MYOF: variants seen among roughly 807,000 people sequenced by gnomAD.
MYOF encodes myoferlin, also known as fer-1-like 3, myoferlin.
In MYOF, 244 loss-of-function variants were observed where a neutral mutation model predicts 284.2. The observed-to-expected ratio is 0.86, with a 90% CI of 0.77 to 0.95. MYOF has a LOEUF of 0.95. MYOF is among the 40% of genes least tolerant of loss of function. The pLI, the probability that MYOF is intolerant of heterozygous loss-of-function variation, is 0.00. For synonymous variants in MYOF, 904 were observed against 919.7 expected (o/e 0.98, Z 0.31); for missense variants, 2,496 against 2,560.6 (o/e 0.97, Z 0.54).
chr10:93,337,781 G>A lies in MYOF; in HGVS notation c.4437+34C>T, dbSNP rs374373099. On this transcript the variant is annotated intron_variant, in intron 40 of 53. Coordinates refer to ENST00000359263, the MANE Select transcript of MYOF (RefSeq NM_013451.4). ...CCTGTGGCCAGTTTCAAAGGATGTTGATTCTCCACCCATAGCAGCATAGAT... is the reference window on the plus strand; with the variant it reads ...CCTGTGGCCAGTTTCAAAGGATGTTAATTCTCCACCCATAGCAGCATAGAT... The A allele has an allele frequency of 1.3e-4, 202 of 1,570,390 alleles. 1 individual carries two copies. The African/African-American group carries it at 2.2e-3, about 17-fold the overall frequency.
chr10:93,385,174 A>G (rs552030653), intron 19 of MYOF, among the ~76,000 whole-genome samples: 15 of 152,322 alleles, frequency 9.8e-5, no homozygotes, highest in African/African-American at 2.9e-4. Context: ...CAGACTCTTG[A>G]TCCTGGAGAC....
At chr10:93,453,722 G>A (rs1402990725) in intron 2 of MYOF, among the ~76,000 whole-genome samples, 1 of 151,986 alleles carries the variant, frequency 6.6e-6, no homozygotes, top group African/African-American at 2.4e-5. Flanking sequence ...CTGTCTCTGT[G>A]AAAAATTTAA....
intron 11 of MYOF, 82 bp from the exon 12 acceptor site, chr10:93,401,626 C>A: frequency 6.5e-7 from 1 of 1,533,876 alleles, no homozygotes; most frequent in Non-Finnish European, 8.9e-7. Context: ...TAAAATGAAA[C>A]CATTCAGAAT....
chr10:93,476,929 A>G (rs2057276279), intron 1 of MYOF, among the ~76,000 whole-genome samples: 1 of 152,152 alleles, frequency 6.6e-6, no homozygotes, highest in Non-Finnish European at 1.5e-5. Flanking sequence ...TTTACACAAG[A>G]CCAGAAGGGA....
intron 40 of MYOF, 106 bp downstream of exon 40, chr10:93,337,709 T>G: frequency 1.2e-6 from 1 of 861,058 alleles, no homozygotes; most frequent in South Asian, 1.8e-5. Flanking sequence ...TGGGCCCTGC[T>G]CATTAGCACC....
chr10:93,481,695 G>C (rs1275799170), intron 1 of MYOF, among the ~76,000 whole-genome samples: 4 of 152,182 alleles, frequency 2.6e-5, no homozygotes, highest in African/African-American at 9.7e-5. Context: ...CGTCAGGCTG[G>C]TTCAAGGAGT....
intron 7 of MYOF, among the ~76,000 whole-genome samples, chr10:93,405,587 C>T (rs1448505345): frequency 1.3e-5 from 2 of 152,136 alleles, no homozygotes; most frequent in Non-Finnish European, 1.5e-5. Context: ...AGCCACCATG[C>T]CCGTTGTTTT....
rs985906122 is a variant in MYOF, at chr10:93,444,266, G to A, written c.236+7784C>T. 2.6e-5 allele frequency among the ~76,000 whole-genome samples: 4 copies of A among 152,170 alleles called. 1 individual carries two copies. Among genetic ancestry groups the A allele is most frequent in the Non-Finnish European group, 5.9e-5 (4 of 68,024 alleles). ...TTGTTCACTCATTCATCCAACAAAC[G>A]TTTATTTAGAGCCTACTATATGCCA... On this transcript the variant is annotated intron_variant, in intron 3 of 53. Coordinates refer to ENST00000359263, the MANE Select transcript of MYOF (RefSeq NM_013451.4).
chr10:93,392,358 G>A (rs1846738573), intron 17 of MYOF, among the ~76,000 whole-genome samples: 1 of 152,094 alleles, frequency 6.6e-6, no homozygotes, highest in Admixed American at 6.6e-5. Context: ...ATCTATTAGG[G>A]GAACAAAAAC....
intron 1 of MYOF, among the ~76,000 whole-genome samples, chr10:93,461,886 A>C (rs1160205383): frequency 3.3e-5 from 5 of 152,226 alleles, no homozygotes; most frequent in Non-Finnish European, 7.3e-5. Flanking sequence ...CAATTCTCCC[A>C]ATGCATGTTC....
intron 34 of MYOF, 47 bp downstream of exon 34, chr10:93,351,366 A>AT: frequency 6.2e-7 from 1 of 1,610,446 alleles, no homozygotes; most frequent in Non-Finnish European, 8.5e-7. Flanking sequence ...ATTAACATGC[A>AT]TTTTAAGCAG....
chr10:93,408,524 C>T (rs533462838), intron 7 of MYOF, among the ~76,000 whole-genome samples: 25 of 149,290 alleles, frequency 1.7e-4, no homozygotes, highest in African/African-American at 5.7e-4. Context: ...GCAACAAGAG[C>T]GAAATTCCAT....
At chr10:93,426,244 CAA>C in intron 4 of MYOF, 86 bp from the exon 5 acceptor site, 3 of 1,370,858 alleles carry the variant, frequency 2.2e-6, no homozygotes, top group Non-Finnish European at 3.0e-6. Context: ...CAGCAGGAGC[CAA>C]AGTCTTGGAA....
intron 24 of MYOF, among the ~76,000 whole-genome samples, chr10:93,370,364 T>G (rs1454342503): frequency 7.0e-6 from 1 of 143,334 alleles, no homozygotes; most frequent in Non-Finnish European, 1.5e-5. Context: ...GTTGCTGGAG[T>G]GCAGTGGCTC....
At chr10:93,403,946 G>A (rs1034039069) in intron 9 of MYOF, 77 bp downstream of exon 9, 125 of 1,485,376 alleles carry the variant, frequency 8.4e-5, no homozygotes, top group East Asian at 1.6e-4. Context: ...ACCAAGATGC[G>A]TACATAGGAA....
At chr10:93,375,020 C>G in intron 22 of MYOF, 65 bp from the exon 23 acceptor site, 1 of 1,432,714 alleles carries the variant, frequency 7.0e-7, no homozygotes, top group Middle Eastern at 2.2e-4. Context: ...GGCTTCAGAA[C>G]TGTCAAATAC....
intron 24 of MYOF, among the ~76,000 whole-genome samples, chr10:93,371,518 GCTTT>G (rs1845588006): frequency 6.6e-6 from 1 of 152,036 alleles, no homozygotes; most frequent in Admixed American, 6.6e-5. Context: ...GTCTCACTCT[GCTTT>G]CTGATTTTTT....
intron 17 of MYOF, among the ~76,000 whole-genome samples, chr10:93,392,036 T>C (rs1846716971): frequency 6.6e-6 from 1 of 151,578 alleles, no homozygotes; most frequent in African/African-American, 2.4e-5. Context: ...TATTCATTGA[T>C]TGGTTAAACA....
chr10:93,401,286 A>G lies in MYOF; in HGVS notation c.1117+132T>C, dbSNP rs1847280241. The G allele has an allele frequency of 3.1e-6, 4 of 1,292,960 alleles. No homozygotes were observed. In the South Asian group the frequency reaches 6.0e-5, roughly 19 times the overall value. The allele number at this position is 1,292,960 out of a possible 1,614,324, so 80.1% of individuals were successfully genotyped here. A position where few individuals can be genotyped will look rare whatever the true frequency, so the allele number is the denominator to read the frequency against. On this transcript the variant is annotated intron_variant, in intron 12 of 53. Coordinates refer to ENST00000359263, the MANE Select transcript of MYOF (RefSeq NM_013451.4). ...TTTCAACTGGGCCAGAATGAATGAA[A>G]ATAAGCCCATGAAGCCCTTTCAGAA...
Sources: allele counts gnomAD v4.1 joint callset (sites outside exome capture counted in the v4.1 genomes callset), GRCh38; gene constraint gnomAD v4.1.1; transcripts MANE v1.5; gene names NCBI Gene and HGNC (gene_info 2026-07-23, HGNC 2026-07-21).